The following LY86 variants were observed in gnomAD, a reference collection of about 807,000 sequenced individuals.
LY86 encodes MD-1, RP105-associated.
In LY86, 20 loss-of-function variants were observed where a neutral mutation model predicts 17.3. That is an observed-to-expected ratio of 1.15 (90% CI 0.81 to 1.68). The LOEUF (loss-of-function observed/expected upper bound fraction) is 1.68, where lower values mean the gene tolerates loss of function less well. Ranked by LOEUF, LY86 falls within the 40% of genes most tolerant of loss-of-function variation. LY86 has a pLI of 0.00. For missense variants in LY86, 200 were observed against 191.9 expected (o/e 1.04, Z -0.25); for synonymous variants, 74 against 70.6 (o/e 1.05, Z -0.24).
chr6:6,651,875 G>A lies in LY86; in HGVS notation c.405+2198G>A, dbSNP rs1762191632. ...GTTCAAGACCAGCCTGGCTAACATGGTGAAACCCCATCTCTACTAAAAATA... is the reference window on the plus strand; with the variant it reads ...GTTCAAGACCAGCCTGGCTAACATGATGAAACCCCATCTCTACTAAAAATA... On this transcript the variant is annotated intron_variant, in intron 4 of 4. Transcript: ENST00000230568. Among the ~76,000 whole-genome samples the A allele has an allele frequency of 2.0e-5, 3 of 151,886 alleles. No homozygotes were observed. In the South Asian group the frequency reaches 6.3e-4, roughly 32 times the overall value.
At chr6:6,596,693 AGATT>A (rs1474715359) in intron 1 of LY86, among the ~76,000 whole-genome samples, 1 of 152,186 alleles carries the variant, frequency 6.6e-6, no homozygotes, top group African/African-American at 2.4e-5. Flanking sequence ...ACTGTGGTGC[AGATT>A]TTTTTTAATG....
In LY86 at chr6:6,624,533, T is replaced by C. The variant is rs1011160390; in HGVS notation, c.137-393T>C. ...AGCTCTCCTAACTTTTGTATCTCCC[T>C]CTGTTTTGATAATAATAATAGATAC... On this transcript the variant is annotated intron_variant, in intron 1 of 4. Transcript: ENST00000230568. Among the ~76,000 whole-genome samples the C allele has an allele frequency of 4.6e-5, 7 of 152,150 alleles. No homozygotes were observed. The East Asian group carries it at 1.2e-3, about 25-fold the overall frequency.
intron 3 of LY86, among the ~76,000 whole-genome samples, chr6:6,640,682 C>T (rs1223492080): frequency 1.3e-5 from 2 of 151,534 alleles, no homozygotes; most frequent in African/African-American, 4.9e-5. Context: ...CATTGCACTG[C>T]AGCCCTGGGC....
chr6:6,654,413 T>C, intron 4 of LY86, 131 bp from the exon 5 acceptor site: 1 of 683,560 alleles, frequency 1.5e-6, no homozygotes. Flanking sequence ...AGGGGTTGGC[T>C]TGTCTTGTTC....
intron 1 of LY86, among the ~76,000 whole-genome samples, chr6:6,595,466 G>A (rs1760682802): frequency 6.6e-6 from 1 of 151,516 alleles, no homozygotes. Flanking sequence ...GAGAGGGAGA[G>A]GAAAGGAGGG....
At chr6:6,640,072 G>A (rs1762016480) in intron 3 of LY86, among the ~76,000 whole-genome samples, 1 of 152,062 alleles carries the variant, frequency 6.6e-6, no homozygotes, top group Admixed American at 6.5e-5. Context: ...CCCTTATTGG[G>A]CCATTATTGT....
At chr6:6,637,687 G>A (rs902459124) in intron 3 of LY86, among the ~76,000 whole-genome samples, 2 of 152,168 alleles carry the variant, frequency 1.3e-5, no homozygotes, top group Non-Finnish European at 2.9e-5. Context: ...CGAGAGCCCT[G>A]AGTGTGTGAG....
intron 1 of LY86, among the ~76,000 whole-genome samples, chr6:6,614,198 C>T (rs1331803405): frequency 1.3e-5 from 2 of 152,142 alleles, no homozygotes; most frequent in African/African-American, 4.8e-5. Flanking sequence ...CAACACAATC[C>T]GTCCAAGTTC....
rs77860251 is a variant in LY86, at chr6:6,609,106, C to T, written c.137-15820C>T. Among the ~76,000 whole-genome samples, 1,194 of 152,278 alleles carry T rather than the reference C, an allele frequency of 7.8e-3. 24 individuals are homozygous for T. Among genetic ancestry groups the T allele is most frequent in the African/African-American group, 0.027 (1,124 of 41,548 alleles). ...TCTGCTTTTCCCCTCCAGCATCCAC[C>T]TGTAAGAGCTTGTAATCTTTTATTG... On this transcript the variant is annotated intron_variant, in intron 1 of 4. Transcript: ENST00000230568.
chr6:6,606,617 G>T (rs1033088706), intron 1 of LY86, among the ~76,000 whole-genome samples: 3 of 152,192 alleles, frequency 2.0e-5, no homozygotes, highest in Admixed American at 6.5e-5. Context: ...GCCCTGCCAC[G>T]CGGGGAGGAA....
chr6:6,652,866 A>C (rs939868011), intron 4 of LY86, among the ~76,000 whole-genome samples: 16 of 152,218 alleles, frequency 1.1e-4, no homozygotes, highest in Non-Finnish European at 2.4e-4. Context: ...AGCTCCTCTT[A>C]GGTTCATAAT....
chr6:6,634,973 C>T (rs2113150257), intron 3 of LY86, among the ~76,000 whole-genome samples: 1 of 152,340 alleles, frequency 6.6e-6, no homozygotes, highest in Admixed American at 6.5e-5. Flanking sequence ...CCAGCAGGTG[C>T]TACTTGAAGA....
chr6:6,630,348 G>T (rs1761881051), intron 3 of LY86, among the ~76,000 whole-genome samples: 1 of 152,214 alleles, frequency 6.6e-6, no homozygotes, highest in Admixed American at 6.5e-5. Flanking sequence ...TCTTGCCTGG[G>T]ATACCCACAG....
At chr6:6,605,731 T>C (rs1217569267) in intron 1 of LY86, among the ~76,000 whole-genome samples, 1 of 152,200 alleles carries the variant, frequency 6.6e-6, no homozygotes, top group Non-Finnish European at 1.5e-5. Flanking sequence ...AGTGTTACAG[T>C]TCTTAAAAGG....
At chr6:6,602,044 G>A (rs1394048996) in intron 1 of LY86, among the ~76,000 whole-genome samples, 1 of 152,198 alleles carries the variant, frequency 6.6e-6, no homozygotes, top group Non-Finnish European at 1.5e-5. Context: ...GCCAGGTCAT[G>A]CCTTTTATGC....
At chr6:6,606,949 AGTGAGGGCT>A (rs998331654) in intron 1 of LY86, among the ~76,000 whole-genome samples, 5 of 152,230 alleles carry the variant, frequency 3.3e-5, no homozygotes, top group South Asian at 2.1e-4. Flanking sequence ...GCTGAGAGCG[AGTGAGGGCT>A]GTGAGGGCTG....
intron 1 of LY86, among the ~76,000 whole-genome samples, chr6:6,596,371 G>C (rs1251430201): frequency 6.6e-6 from 1 of 151,264 alleles, no homozygotes; most frequent in African/African-American, 2.4e-5. Flanking sequence ...GAAGGAAATG[G>C]AGCATAAAAC....
chr6:6,627,223 C>T (rs1581247908), intron 3 of LY86, among the ~76,000 whole-genome samples: 1 of 152,344 alleles, frequency 6.6e-6, no homozygotes, highest in Non-Finnish European at 1.5e-5. Context: ...ACCCCTCACC[C>T]CACATCTCAG....
At chr6:6,615,506 G>T (rs1052206469) in intron 1 of LY86, among the ~76,000 whole-genome samples, 10 of 152,134 alleles carry the variant, frequency 6.6e-5, no homozygotes, top group Non-Finnish European at 1.2e-4. Context: ...TGGATCACTT[G>T]AGGTCAGGAG....
Sources: gnomAD v4.1 joint callset for allele counts (sites outside exome capture counted in the v4.1 genomes callset) on GRCh38, gnomAD v4.1.1 for gene constraint, MANE v1.5 for transcripts, NCBI Gene and HGNC (gene_info 2026-07-23, HGNC 2026-07-21) for gene names.